The following DKK3 variants were observed in gnomAD, a reference collection of about 807,000 sequenced individuals.
DKK3 encodes the protein dickkopf Wnt signaling pathway inhibitor 3.
In DKK3, 22 loss-of-function variants were observed where a neutral mutation model predicts 33.2. That is an observed-to-expected ratio of 0.66 (90% CI 0.47 to 0.95). The LOEUF is 0.95. Among genes scored for constraint, DKK3 ranks in the 40% least tolerant of loss-of-function variants. DKK3 has a pLI of 0.00. For missense variants in DKK3, 398 were observed against 458.4 expected, an observed-to-expected ratio of 0.87 and a Z score of 1.20; for synonymous variants, 194 against 188.8, an observed-to-expected ratio of 1.03 and a Z score of -0.23.
At chr11:11,986,841 A>G (rs1194782285) in intron 3 of DKK3, among the ~76,000 whole-genome samples, 2 of 152,252 alleles carry the variant, frequency 1.3e-5, no homozygotes, top group Non-Finnish European at 2.9e-5. Flanking sequence ...AAGAATTAGA[A>G]AACACGTAAA....
intron 4 of DKK3, 114 bp downstream of exon 4, chr11:11,968,281 C>T: frequency 2.1e-6 from 2 of 942,140 alleles, no homozygotes; most frequent in Non-Finnish European, 3.1e-6. Context: ...GGGTCCTCCC[C>T]ATCATGGTGA....
upstream of DKK3, chr11:12,008,647 C>G: frequency 1.6e-6 from 2 of 1,277,834 alleles, no homozygotes; most frequent in Non-Finnish European, 2.0e-6. The surrounding 1 kb of genome is among the most constrained non-coding windows in gnomAD (Gnocchi z 4.6). Context: ...GCGCGGACCA[C>G]CCCCCTCGCT....
At position 11,971,899 on chromosome 11, in the gene DKK3, T is replaced by A. The variant is rs1451054062; in HGVS notation, c.436-3412A>T. On this transcript the variant is annotated intron_variant, in intron 3 of 6. Transcript: ENST00000683431. Reference sequence around the variant, plus strand: ...AACCTAAATATACCAAAGCTACTGGTTTCCTTTGGGGTATCAGCAAGGAGT... The same window carrying A: ...AACCTAAATATACCAAAGCTACTGGATTCCTTTGGGGTATCAGCAAGGAGT... Among the ~76,000 whole-genome samples, 5 of 152,282 alleles carry A rather than the reference T, an allele frequency of 3.3e-5. No individual in the cohort carries two copies. The East Asian group carries it at 9.6e-4, about 29-fold the overall frequency.
intron 3 of DKK3, among the ~76,000 whole-genome samples, chr11:11,996,008 G>C (rs11022106): frequency 2.6e-5 from 4 of 152,166 alleles, no homozygotes; most frequent in African/African-American, 9.7e-5. Flanking sequence ...ACACATTCCA[G>C]CATTTGAAGA....
intron 1 of DKK3, among the ~76,000 whole-genome samples, chr11:12,004,337 G>A (rs1237605486): frequency 6.6e-6 from 1 of 152,162 alleles, no homozygotes; most frequent in Admixed American, 6.5e-5. Flanking sequence ...AGTTCCAGAA[G>A]GCTAGCGGGA....
Position 11,965,816 on chromosome 11 carries a change from G to A in DKK3, c.823C>T (p.Pro275Ser). ...CPCASGLLCQ[P>S]HSHSLVYVCK... is the part of the protein sequence containing the mutation. The stretch of plus-strand genomic sequence containing the variant: ...AGGGTTAGGGGGCCTCACCTGTGGG[G>A]CTGGCAGAGGAGGCCACTGGCACAA... Residue 275 changes from proline (P) to serine (S), a missense_variant, in exon 6 of 7, where the codon CCC (proline) becomes TCC (serine). Physicochemically the swap from Pro to Ser is moderately conservative, Grantham distance 74 (BLOSUM62 -1). Transcript: ENST00000683431. 1 of 1,613,968 alleles carries A rather than the reference G, an allele frequency of 6.2e-7. No individual in the cohort carries two copies.
intron 2 of DKK3, among the ~76,000 whole-genome samples, chr11:11,999,698 G>A (rs1007985168): frequency 6.6e-6 from 1 of 152,196 alleles, no homozygotes; most frequent in African/African-American, 2.4e-5. Context: ...GCTAGGAGAT[G>A]TGTGTTCTTT....
At chr11:11,998,433 T>C in intron 3 of DKK3, 1 of 563,136 alleles carries the variant, frequency 1.8e-6, no homozygotes, top group South Asian at 2.1e-5. Flanking sequence ...CTTGTACCCC[T>C]TTCAAAGCTG....
intron 3 of DKK3, among the ~76,000 whole-genome samples, chr11:11,994,902 T>C (rs1258530751): frequency 6.6e-6 from 1 of 152,184 alleles, no homozygotes; most frequent in Non-Finnish European, 1.5e-5. Context: ...ACAGGCAAAG[T>C]ATCCTCACAA....
chr11:11,992,048 C>A (rs1444474176), intron 3 of DKK3, among the ~76,000 whole-genome samples: 1 of 152,100 alleles, frequency 6.6e-6, no homozygotes, highest in African/African-American at 2.4e-5. Context: ...ACTTCTCTGC[C>A]AAAAACGTAG....
chr11:11,992,732 T>C (rs1220619203), intron 3 of DKK3, among the ~76,000 whole-genome samples: 1 of 152,214 alleles, frequency 6.6e-6, no homozygotes, highest in Non-Finnish European at 1.5e-5. Flanking sequence ...GCCATCCCCC[T>C]TGTTTATATT....
At chr11:12,008,644 C>T, upstream of DKK3, 1 of 1,284,166 alleles carries the variant, frequency 7.8e-7, no homozygotes, top group Non-Finnish European at 9.8e-7. This position sits in a 1 kb window ranked among gnomAD's most constrained non-coding sequence, Gnocchi z 4.6. Context: ...GGCGCGCGGA[C>T]CACCCCCCTC....
In DKK3 at chr11:12,008,395, T is replaced by C. The variant is rs375257181; in HGVS notation, c.188A>G (p.His63Arg). The C allele has an allele frequency of 1.9e-6, 3 of 1,607,858 alleles. No individual in the cohort carries two copies. The highest frequency in any genetic ancestry group is 2.5e-6 in the Non-Finnish European group (3 of 1,178,386). The change falls in exon 1 of 7, where the codon CAC (histidine) becomes CGC (arginine). Residue 63 changes from histidine to arginine, a missense_variant. Physicochemically the swap from His to Arg is conservative, Grantham distance 29 (BLOSUM62 0). Transcript: ENST00000683431. The surrounding 1 kb of genome is among the most constrained non-coding windows in gnomAD (Gnocchi z 4.6). Reference sequence around the variant, plus strand: ...CTCTTCCACCGCGCTGCGCAATTTGTGCTGCGTGTCCTCCATCAGTTCCTC... The same window carrying C: ...CTCTTCCACCGCGCTGCGCAATTTGCGCTGCGTGTCCTCCATCAGTTCCTC... ...EVEELMEDTQ[H>R]KLRSAVEEME...
intron 3 of DKK3, among the ~76,000 whole-genome samples, chr11:11,971,522 A>C (rs916762210): frequency 6.6e-6 from 1 of 152,226 alleles, no homozygotes; most frequent in African/African-American, 2.4e-5. Context: ...ACAGGCCAAC[A>C]AAATGCAGAT....
chr11:11,968,475 C>T lies in DKK3; in HGVS notation c.448G>A (p.Asp150Asn), dbSNP rs770444984. The part of the protein sequence containing the change: ...EGRRSHECII[D>N]EDCGPSMYCQ... ...TACATGCTGGGCCCACAGTCCTCGT[C>T]GATGATGCACTCCTGGGGAAGGGCA... The change falls in exon 4 of 7, where the codon GAC becomes AAC. Residue 150 changes from aspartate to asparagine, a missense_variant. Asp to Asn is a conservative substitution (Grantham distance 23). Transcript: ENST00000683431. The T allele has an allele frequency of 9.9e-6, 16 of 1,613,044 alleles. No individual in the cohort carries two copies. Among genetic ancestry groups the T allele is most frequent in the South Asian group, 6.6e-5 (6 of 90,950 alleles).
chr11:11,963,602 A>G lies in DKK3; in HGVS notation c.*862T>C, dbSNP rs887112724. 3 of 152,154 alleles carry G rather than the reference A, an allele frequency of 2.0e-5. No individual in the cohort carries two copies. Among genetic ancestry groups the G allele is most frequent in the African/African-American group, 7.2e-5 (3 of 41,432 alleles). The allele number at this position is 152,154 out of a possible 1,614,324, so 9.4% of individuals were successfully genotyped here. On this transcript the variant is annotated 3_prime_UTR_variant, in exon 7 of 7. Coordinates refer to ENST00000683431, the MANE Select transcript of DKK3 (RefSeq NM_001018057.2). ...CTAACAGTAGTTTACTTTTAGAGGGATGTGAGAATTAGTTTGACCTTAATT... is the reference window on the plus strand; with the variant it reads ...CTAACAGTAGTTTACTTTTAGAGGGGTGTGAGAATTAGTTTGACCTTAATT...
intron 3 of DKK3, among the ~76,000 whole-genome samples, chr11:11,977,374 C>G (rs767710919): frequency 2.6e-5 from 4 of 152,104 alleles, no homozygotes; most frequent in Non-Finnish European, 4.4e-5. Flanking sequence ...AAAGCTTGTT[C>G]CTTCCTCCAG....
At chr11:11,969,920 C>T (rs973974682) in intron 3 of DKK3, among the ~76,000 whole-genome samples, 8 of 152,192 alleles carry the variant, frequency 5.3e-5, no homozygotes, top group African/African-American at 9.7e-5. Flanking sequence ...ATAAGAAAAC[C>T]GAGGCTCCGA....
At chr11:11,979,468 C>T (rs1032323360) in intron 3 of DKK3, among the ~76,000 whole-genome samples, 5 of 152,216 alleles carry the variant, frequency 3.3e-5, no homozygotes, top group South Asian at 4.1e-4. Flanking sequence ...GAACTGAATC[C>T]GGATGTGGAT....
Sources: gnomAD v4.1 joint callset for allele counts (sites outside exome capture counted in the v4.1 genomes callset) on GRCh38, gnomAD v4.1.1 for gene constraint, Gnocchi (gnomAD v3.1) non-coding constraint, MANE v1.5 for transcripts, NCBI Gene and HGNC (gene_info 2026-07-23, HGNC 2026-07-21) for gene names.